The following BLTP1 variants were observed in gnomAD, a reference collection of about 807,000 sequenced individuals.
The protein encoded by BLTP1 is fragile site-associated protein.
chr4:122,177,770 A>G, the BLTP1 span, among the ~76,000 whole-genome samples: 8 of 152,142 alleles, frequency 5.3e-5, no homozygotes, highest in African/African-American at 1.9e-4. Flanking sequence ...ATCCTCTATC[A>G]ATGAAGCTTT....
the BLTP1 span, chr4:122,353,865 G>A: frequency 6.2e-7 from 1 of 1,613,720 alleles, no homozygotes; most frequent in Non-Finnish European, 8.5e-7. This position sits in a 1 kb window ranked among gnomAD's most constrained non-coding sequence, Gnocchi z 4.3. Flanking sequence ...TTTCACCTGG[G>A]TCATAATACT....
chr4:122,172,599 T>G, the BLTP1 span, among the ~76,000 whole-genome samples: 4 of 152,114 alleles, frequency 2.6e-5, no homozygotes, highest in Non-Finnish European at 5.9e-5. Context: ...AAGCAGAAGG[T>G]TTTTCTTTAA....
chr4:122,180,186 G>A, the BLTP1 span: 85 of 984,880 alleles, frequency 8.6e-5, 1 homozygote, highest in South Asian at 7.5e-4. Flanking sequence ...TCCCTGTAAC[G>A]TCATTTACTA....
the BLTP1 span, among the ~76,000 whole-genome samples, chr4:122,259,492 T>C: frequency 6.6e-6 from 1 of 152,210 alleles, no homozygotes; most frequent in African/African-American, 2.4e-5. Flanking sequence ...TGGTTCTTTA[T>C]TTTTTGCTAG....
the BLTP1 span, among the ~76,000 whole-genome samples, chr4:122,309,743 T>G: frequency 6.6e-6 from 1 of 152,044 alleles, no homozygotes; most frequent in East Asian, 1.9e-4. Context: ...TTTGACCAGA[T>G]AAAGCATTTT....
At chr4:122,358,698 A>G in the BLTP1 span, among the ~76,000 whole-genome samples, 5 of 152,176 alleles carry the variant, frequency 3.3e-5, no homozygotes, top group Non-Finnish European at 7.3e-5. Flanking sequence ...CTCATTCCCA[A>G]TCAAGTTATA....
the BLTP1 span, chr4:122,247,157 G>C: frequency 6.2e-7 from 1 of 1,601,062 alleles, no homozygotes; most frequent in Non-Finnish European, 8.5e-7. Context: ...TTTTCATAAA[G>C]AGGTGTGGTT....
chr4:122,154,700 C>T, the BLTP1 span, among the ~76,000 whole-genome samples: 10 of 152,036 alleles, frequency 6.6e-5, no homozygotes, highest in Admixed American at 4.6e-4. Context: ...GGTGAAACCC[C>T]GTGTCTACTA....
chr4:122,199,817 G>T, the BLTP1 span: 2 of 634,516 alleles, frequency 3.2e-6, no homozygotes, highest in Non-Finnish European at 3.9e-6. Flanking sequence ...CTTTCCCAGG[G>T]TTTAAATAAT....
chr4:122,328,639 T>C, the BLTP1 span: 2 of 982,498 alleles, frequency 2.0e-6, no homozygotes, highest in Non-Finnish European at 1.2e-6. Context: ...TGGTTACGAG[T>C]AAATTAAAGG....
chr4:122,192,515 C>T, the BLTP1 span: 2 of 623,670 alleles, frequency 3.2e-6, no homozygotes, highest in African/African-American at 3.7e-5. Flanking sequence ...CATTTTGATC[C>T]AAAGAAAAAC....
chr4:122,212,226 A>G, the BLTP1 span, among the ~76,000 whole-genome samples: 41 of 152,294 alleles, frequency 2.7e-4, no homozygotes, highest in African/African-American at 9.6e-4. Context: ...AAAAACTACC[A>G]TAAATCATCA....
chr4:122,155,362 C>T, the BLTP1 span, among the ~76,000 whole-genome samples: 1 of 150,922 alleles, frequency 6.6e-6, no homozygotes, highest in African/African-American at 2.4e-5. Context: ...TTCACTCTGC[C>T]TCCCAGGCTG....
the BLTP1 span, among the ~76,000 whole-genome samples, chr4:122,152,803 C>T: frequency 2.6e-5 from 4 of 152,174 alleles, no homozygotes; most frequent in South Asian, 2.1e-4. Context: ...CCATGGCAGT[C>T]GGATGGCTGG....
chr4:122,273,475 C>T, the BLTP1 span: 1 of 969,872 alleles, frequency 1.0e-6, no homozygotes, highest in Non-Finnish European at 1.2e-6. Context: ...GCTCAGATGT[C>T]TAAGTTGATA....
chr4:122,154,186 T>C, the BLTP1 span: 1 of 932,886 alleles, frequency 1.1e-6, no homozygotes, highest in East Asian at 1.2e-4. Flanking sequence ...TTTTTTTTTT[T>C]TTTTTTTGAG....
the BLTP1 span, chr4:122,324,659 T>C: frequency 2.8e-6 from 2 of 710,368 alleles, no homozygotes; most frequent in Non-Finnish European, 4.3e-6. Flanking sequence ...ATTAGTAAAA[T>C]AGCAATAACA....
chr4:122,230,326 AACATGATTGTGCTGCTGCACCTC>A, the BLTP1 span: 2 of 851,248 alleles, frequency 2.3e-6, no homozygotes, highest in East Asian at 5.0e-5. Context: ...ATAAAGACCT[AACATGATTGTGCTGCTGCACCTC>A]AATGAATATA....
At chr4:122,155,385 G>A in the BLTP1 span, among the ~76,000 whole-genome samples, 4 of 150,630 alleles carry the variant, frequency 2.7e-5, no homozygotes, top group South Asian at 4.2e-4. Flanking sequence ...GTGCAGTGGC[G>A]CAATCTCTTC....
Sources: gnomAD v4.1 joint callset for allele counts (sites outside exome capture counted in the v4.1 genomes callset) on GRCh38, gnomAD v4.1.1 for gene constraint, Gnocchi (gnomAD v3.1) non-coding constraint, MANE v1.5 for transcripts, NCBI Gene and HGNC (gene_info 2026-07-23, HGNC 2026-07-21) for gene names.